The following LRMDA variants were observed in gnomAD, a reference collection of about 807,000 sequenced individuals.
The protein encoded by LRMDA is leucine rich melanocyte differentiation associated.
A neutral mutation model predicts 29.8 loss-of-function variants in LRMDA; 18 were observed. That is an observed-to-expected ratio of 0.60 (90% confidence interval 0.42 to 0.90). LRMDA has a LOEUF of 0.90. LRMDA is among the 40% of genes least tolerant of loss of function. The pLI is 0.00. For missense variants in LRMDA, 273 were observed against 273.9 expected (o/e 1.00, Z 0.02); for synonymous variants, 125 against 109.4 (o/e 1.14, Z -0.89).
intron 2 of LRMDA, among the ~76,000 whole-genome samples, chr10:75,965,555 C>A (rs887914083): frequency 2.0e-5 from 3 of 152,008 alleles, no homozygotes; most frequent in African/African-American, 7.3e-5. Context: ...CTCTTTACTT[C>A]TCCGCACTCC....
rs541233324 is a variant in LRMDA, at chr10:75,521,739, A to G, written c.131+83245A>G. Among the ~76,000 whole-genome samples, 499 of 152,328 alleles carry G rather than the reference A, an allele frequency of 3.3e-3. 2 individuals carry two copies. Among genetic ancestry groups the G allele is most frequent in the Non-Finnish European group, 5.9e-3 (399 of 68,030 alleles). ...ACCCACTGTCCAACCAGTCCCAATGAGATGAACCAGGTACCTCAGTTGGAA... is the reference window on the plus strand; with the variant it reads ...ACCCACTGTCCAACCAGTCCCAATGGGATGAACCAGGTACCTCAGTTGGAA... On this transcript the variant is annotated intron_variant, in intron 2 of 6. Transcript: ENST00000611255.
intron 6 of LRMDA, among the ~76,000 whole-genome samples, chr10:76,424,399 C>T (rs142518622): frequency 0.016 from 2,472 of 152,120 alleles, 21 homozygotes; most frequent in Non-Finnish European, 0.027. Context: ...ATTAGTCAGG[C>T]GTGGTGGCAG....
intron 5 of LRMDA, among the ~76,000 whole-genome samples, chr10:76,127,988 A>C (rs568003700): frequency 2.0e-5 from 3 of 152,318 alleles, no homozygotes; most frequent in Admixed American, 1.3e-4. Context: ...CAAACTAGCC[A>C]ACTACTGGTT....
At chr10:75,799,076 C>T (rs1843702753) in intron 2 of LRMDA, among the ~76,000 whole-genome samples, 1 of 152,194 alleles carries the variant, frequency 6.6e-6, no homozygotes, top group Admixed American at 6.5e-5. Context: ...TCCACATCTA[C>T]AGTATCTGTA....
rs771388054 is a variant in LRMDA at position 76,285,991 on chromosome 10, C to T, written c.517-38410C>T. ...TTCTGGATATGTGGGACTGACCTTG[C>T]GTTGAGGCTAAATCATTTCATCCCA... On this transcript the variant is annotated intron_variant, in intron 5 of 6. Coordinates refer to ENST00000611255, the MANE Select transcript of LRMDA (RefSeq NM_001305581.2). Among the ~76,000 whole-genome samples, 8 of 152,106 alleles carry T rather than the reference C, an allele frequency of 5.3e-5. 1 individual carries two copies. The highest frequency in any genetic ancestry group is 2.0e-4 in the Admixed American group (3 of 15,258).
chr10:75,546,695 G>T (rs1344520915), intron 2 of LRMDA, among the ~76,000 whole-genome samples: 2 of 152,246 alleles, frequency 1.3e-5, no homozygotes, highest in Non-Finnish European at 2.9e-5. Context: ...TGGAGTTTCT[G>T]CCCCCAAGGG....
At chr10:75,961,956 CA>C (rs1283578908) in intron 2 of LRMDA, among the ~76,000 whole-genome samples, 1 of 152,076 alleles carries the variant, frequency 6.6e-6, no homozygotes, top group Non-Finnish European at 1.5e-5. Context: ...GGAGAATCAT[CA>C]CCCTGATCTC....
rs190985286 is a variant in LRMDA at position 75,956,269 on chromosome 10, A to C, written c.132-79739A>C. ...AACTGTGTGGATTATTAGGAAATAC[A>C]GTCTTCTGGAGAGGGTTTTGTTTTG... On this transcript the variant is annotated intron_variant, in intron 2 of 6. Transcript: ENST00000611255. Among the ~76,000 whole-genome samples the C allele has an allele frequency of 5.4e-4, 82 of 152,320 alleles. 1 individual carries two copies. The highest frequency in any genetic ancestry group is 1.7e-3 in the African/African-American group (70 of 41,586).
At chr10:75,586,176 T>C (rs1840652515) in intron 2 of LRMDA, among the ~76,000 whole-genome samples, 1 of 152,122 alleles carries the variant, frequency 6.6e-6, no homozygotes, top group African/African-American at 2.4e-5. Context: ...ATTTCAGTTA[T>C]TAATATTTTG....
At chr10:75,998,183 GGT>G (rs1847504275) in intron 2 of LRMDA, among the ~76,000 whole-genome samples, 1 of 152,074 alleles carries the variant, frequency 6.6e-6, no homozygotes, top group African/African-American at 2.4e-5. Flanking sequence ...TGCTGTTCCT[GGT>G]GCATGACAAA....
chr10:76,175,975 C>T (rs900503171), intron 5 of LRMDA, among the ~76,000 whole-genome samples: 2 of 152,186 alleles, frequency 1.3e-5, no homozygotes, highest in Non-Finnish European at 2.9e-5. Context: ...GCGATGTACA[C>T]TGTGCAGATT....
At chr10:75,886,169 C>G (rs529994569) in intron 2 of LRMDA, among the ~76,000 whole-genome samples, 1 of 152,170 alleles carries the variant, frequency 6.6e-6, no homozygotes, top group East Asian at 1.9e-4. Context: ...CATTGGTCTG[C>G]AGATGGTTTC....
intron 6 of LRMDA, among the ~76,000 whole-genome samples, chr10:76,546,593 A>G (rs1051672658): frequency 1.3e-5 from 2 of 152,208 alleles, no homozygotes; most frequent in African/African-American, 4.8e-5. Context: ...ACCACTTGAG[A>G]GGCCTCTCGG....
At chr10:76,129,443 A>C (rs1308678455) in intron 5 of LRMDA, among the ~76,000 whole-genome samples, 2 of 152,154 alleles carry the variant, frequency 1.3e-5, no homozygotes, top group African/African-American at 4.8e-5. Flanking sequence ...CGGAGACTGA[A>C]CGCTGGTCTC....
At chr10:75,594,008 G>T (rs1840755240) in intron 2 of LRMDA, among the ~76,000 whole-genome samples, 1 of 152,196 alleles carries the variant, frequency 6.6e-6, no homozygotes, top group African/African-American at 2.4e-5. Context: ...AACACCTTTT[G>T]ACCAGTTGTT....
intron 2 of LRMDA, among the ~76,000 whole-genome samples, chr10:76,030,622 C>A (rs570447778): frequency 6.6e-6 from 1 of 152,116 alleles, no homozygotes; most frequent in African/African-American, 2.4e-5. Context: ...AACCCTGTCT[C>A]TACTAAAAAT....
chr10:75,720,633 C>T (rs1180245000), intron 2 of LRMDA, among the ~76,000 whole-genome samples: 2 of 152,204 alleles, frequency 1.3e-5, no homozygotes, highest in African/African-American at 4.8e-5. Context: ...GACCACTCTT[C>T]CACTCCTTTG....
At chr10:76,427,639 T>A (rs1176024647) in intron 6 of LRMDA, among the ~76,000 whole-genome samples, 1 of 152,162 alleles carries the variant, frequency 6.6e-6, no homozygotes, top group Non-Finnish European at 1.5e-5. Flanking sequence ...TCCAACACTA[T>A]GTTGAATAGG....
chr10:75,581,571 T>C (rs1383941499), intron 2 of LRMDA, among the ~76,000 whole-genome samples: 1 of 150,986 alleles, frequency 6.6e-6, no homozygotes. Context: ...ACTGGGTATA[T>C]ACCCAAAGGA....
Sources: allele counts gnomAD v4.1 joint callset (sites outside exome capture counted in the v4.1 genomes callset), GRCh38; gene constraint gnomAD v4.1.1; transcripts MANE v1.5; gene names NCBI Gene and HGNC (gene_info 2026-07-23, HGNC 2026-07-21).